RAB3GAP1: variants seen among roughly 807,000 people sequenced by gnomAD.
The protein encoded by RAB3GAP1 is RAB3 GTPase activating protein catalytic subunit 1.
RAB3GAP1 carries 86 observed loss-of-function variants against 130.7 expected under a neutral mutation model. The observed-to-expected ratio is 0.66, with a 90% CI of 0.55 to 0.79. RAB3GAP1 has a LOEUF of 0.79. Ranked by LOEUF, RAB3GAP1 falls within the 30% of genes least tolerant of loss-of-function variation. The probability of loss-of-function intolerance (pLI) is 0.00; values close to 1 mark genes in which losing one functional copy is unlikely to be tolerated. For synonymous variants in RAB3GAP1, 367 were observed against 401.7 expected (o/e 0.91, Z 1.03); for missense variants, 1,029 against 1,169.4 (o/e 0.88, Z 1.75).
At chr2:135,115,480 T>C in intron 7 of RAB3GAP1, 99 bp downstream of exon 7, 11 of 1,213,646 alleles carry the variant, frequency 9.1e-6, no homozygotes, top group Non-Finnish European at 1.3e-5. Context: ...TCTATAATAT[T>C]GATAATGTAA....
At chr2:135,153,536 A>G in intron 18 of RAB3GAP1, 113 bp from the exon 19 acceptor site, 2 of 939,686 alleles carry the variant, frequency 2.1e-6, no homozygotes, top group South Asian at 2.7e-5. Flanking sequence ...CATTTTACAT[A>G]TTAGATTGTA....
chr2:135,081,442 A>G (rs1047324496), intron 3 of RAB3GAP1, among the ~76,000 whole-genome samples: 2 of 146,678 alleles, frequency 1.4e-5, no homozygotes, highest in African/African-American at 5.0e-5. Context: ...GTATATATAT[A>G]TAGCAAATCT....
chr2:135,121,279 T>A (rs1691192536), intron 8 of RAB3GAP1, among the ~76,000 whole-genome samples: 1 of 152,148 alleles, frequency 6.6e-6, no homozygotes, highest in African/African-American at 2.4e-5. Flanking sequence ...CCTCATAAAC[T>A]GAGAACACTC....
chr2:135,141,891 A>G (rs1691852330), intron 17 of RAB3GAP1, among the ~76,000 whole-genome samples: 1 of 151,894 alleles, frequency 6.6e-6, no homozygotes, highest in Non-Finnish European at 1.5e-5. Flanking sequence ...TGGACTATTT[A>G]TTCTGTTCCG....
intron 17 of RAB3GAP1, among the ~76,000 whole-genome samples, chr2:135,145,524 A>G (rs1345006597): frequency 6.6e-6 from 1 of 152,170 alleles, no homozygotes; most frequent in Non-Finnish European, 1.5e-5. Context: ...AGTTAGGAAT[A>G]CTGTCAGTGG....
intron 5 of RAB3GAP1, among the ~76,000 whole-genome samples, chr2:135,095,859 A>T (rs2104883090): frequency 6.6e-6 from 1 of 152,328 alleles, no homozygotes; most frequent in Middle Eastern, 3.4e-3. Context: ...GGATTGACAA[A>T]TCACAAGAAG....
At position 135,170,007 on chromosome 2, in the gene RAB3GAP1, T is replaced by C. The variant is rs983019690; in HGVS notation, c.*1226T>C. ...AAAAAAAATACATATCTATATATAATATGTGTGTGTGTGTGACATATGCAC... is the reference window on the plus strand; with the variant it reads ...AAAAAAAATACATATCTATATATAACATGTGTGTGTGTGTGACATATGCAC... On this transcript the variant is annotated 3_prime_UTR_variant, in exon 24 of 24. Transcript: ENST00000264158. The C allele has an allele frequency of 1.2e-5, 3 of 256,248 alleles. No homozygotes were observed. Among genetic ancestry groups the C allele is most frequent in the African/African-American group, 6.9e-5 (3 of 43,726 alleles). The allele number at this position is 256,248 out of a possible 1,614,324, so 15.9% of individuals were successfully genotyped here.
At chr2:135,075,977 C>G (rs62168957) in intron 3 of RAB3GAP1, among the ~76,000 whole-genome samples, 6,223 of 146,560 alleles carry the variant, frequency 0.042, 154 homozygotes, top group African/African-American at 0.056. Flanking sequence ...GTGGTGCAAT[C>G]TCAGCTCACT....
downstream of RAB3GAP1, chr2:135,175,220 G>C (rs1692975320): frequency 6.6e-6 from 1 of 152,248 alleles, no homozygotes; most frequent in South Asian, 2.1e-4. Context: ...TGTTAGCAGG[G>C]TTAATGCTGT....
intron 19 of RAB3GAP1, among the ~76,000 whole-genome samples, chr2:135,160,674 C>CAAAAAA (rs59034119): frequency 3.0e-5 from 1 of 33,878 alleles, no homozygotes; most frequent in African/African-American, 7.8e-5. Flanking sequence ...GACCCTGTCT[C>CAAAAAA]AAAAAAAAAA....
chr2:135,135,481 G>A (rs1427996197), intron 16 of RAB3GAP1, 83 bp from the exon 17 acceptor site: 2 of 1,482,308 alleles, frequency 1.3e-6, no homozygotes, highest in African/African-American at 1.4e-5. Flanking sequence ...AGTGGAGAGT[G>A]AAAATTAAAT....
Position 135,065,819 on chromosome 2 carries a change from G to A in RAB3GAP1, c.150+7733G>A, listed in dbSNP as rs368493972. Among the ~76,000 whole-genome samples the A allele has an allele frequency of 2.4e-4, 33 of 139,258 alleles. No individual in the cohort carries two copies. In the South Asian group the frequency reaches 6.1e-3, roughly 26 times the overall value. The allele number at this position is 139,258 out of a possible 152,430, so 91.4% of individuals were successfully genotyped here. A position where few individuals can be genotyped will look rare whatever the true frequency, so the allele number is the denominator to read the frequency against. On this transcript the variant is annotated intron_variant, in intron 3 of 23. Coordinates refer to ENST00000264158, the MANE Select transcript of RAB3GAP1 (RefSeq NM_012233.3). ...CGGAGTCTCACTCTGTCACCAGGCT[G>A]GAGTGCAGTTGCGCGATCTCGGCTC...
At chr2:135,165,161 A>G (rs1692599967) in intron 23 of RAB3GAP1, 1 of 456,330 alleles carries the variant, frequency 2.2e-6, no homozygotes, top group South Asian at 1.5e-5. Context: ...TTTCCTAGAA[A>G]AGAAGAGGAA....
Position 135,129,975 on chromosome 2 carries a change from T to C in RAB3GAP1, c.974-20T>C, listed in dbSNP as rs1164022411. The C allele has an allele frequency of 6.5e-7, 1 of 1,531,334 alleles. No individual in the cohort carries two copies. The highest frequency in any genetic ancestry group is 9.0e-7 in the Non-Finnish European group (1 of 1,109,376). The allele number at this position is 1,531,334 out of a possible 1,614,324, so 94.9% of individuals were successfully genotyped here. A position where few individuals can be genotyped will look rare whatever the true frequency, so the allele number is the denominator to read the frequency against. On this transcript the variant is annotated intron_variant, in intron 11 of 23. Transcript: ENST00000264158. Reference sequence around the variant, plus strand: ...TTTTTTTTCAGTTAAGTGTCAAAAATAACTTTTTTTCCTACATAGGTGATT... The same window carrying C: ...TTTTTTTTCAGTTAAGTGTCAAAAACAACTTTTTTTCCTACATAGGTGATT...
chr2:135,149,412 G>C (rs1692100058), intron 17 of RAB3GAP1, among the ~76,000 whole-genome samples: 1 of 152,148 alleles, frequency 6.6e-6, no homozygotes, highest in Admixed American at 6.5e-5. Context: ...TCACAACAGT[G>C]AGTCACAATG....
downstream of RAB3GAP1, among the ~76,000 whole-genome samples, chr2:135,172,387 A>G (rs1481053285): frequency 6.6e-6 from 1 of 151,592 alleles, no homozygotes; most frequent in Non-Finnish European, 1.5e-5. Flanking sequence ...GTGAGCCAAG[A>G]TCATGCCATT....
rs915391518 is a variant in RAB3GAP1, at chr2:135,095,249, T to C, written c.362+1556T>C. Among the ~76,000 whole-genome samples the C allele has an allele frequency of 5.3e-5, 8 of 152,176 alleles. No individual in the cohort carries two copies. The East Asian group carries it at 5.8e-4, about 11-fold the overall frequency. Reference sequence around the variant, plus strand: ...ATTTTTAGTAGAGACGGGGTTTCACTGTGTTAGCCAGGATGGTCTCGATCT... The same window carrying C: ...ATTTTTAGTAGAGACGGGGTTTCACCGTGTTAGCCAGGATGGTCTCGATCT... On this transcript the variant is annotated intron_variant, in intron 5 of 23. Transcript: ENST00000264158.
chr2:135,151,890 C>G (rs948683498), intron 18 of RAB3GAP1, among the ~76,000 whole-genome samples: 1 of 152,166 alleles, frequency 6.6e-6, no homozygotes, highest in African/African-American at 2.4e-5. Context: ...ATAGGAACTA[C>G]GGAAGTTTTT....
At chr2:135,130,130 T>A in intron 12 of RAB3GAP1, 43 bp downstream of exon 12, 1 of 1,437,366 alleles carries the variant, frequency 7.0e-7, no homozygotes, top group African/African-American at 1.4e-5. Flanking sequence ...AATGTCTTAC[T>A]GTTTTTCCTT....
Sources: gnomAD v4.1 joint callset for allele counts (sites outside exome capture counted in the v4.1 genomes callset) on GRCh38, gnomAD v4.1.1 for gene constraint, MANE v1.5 for transcripts, NCBI Gene and HGNC (gene_info 2026-07-23, HGNC 2026-07-21) for gene names.